The following STK33 variants were observed in gnomAD, a reference collection of about 807,000 sequenced individuals.
STK33 encodes serine/threonine kinase 33, also known as serine/threonine-protein kinase 33.
In STK33, 52 loss-of-function variants were observed where a neutral mutation model predicts 58.0. The observed-to-expected ratio is 0.90, with a 90% CI of 0.72 to 1.13. The LOEUF (loss-of-function observed/expected upper bound fraction) is 1.13. Ranked by LOEUF, STK33 falls within the 50% of genes most tolerant of loss-of-function variation. The pLI is 0.00. For missense variants in STK33, 630 were observed against 604.2 expected (o/e 1.04, Z -0.45); for synonymous variants, 215 against 200.1 (o/e 1.07, Z -0.63).
At chr11:8,522,468 CAA>C (rs112160760) in intron 1 of STK33, among the ~76,000 whole-genome samples, 17 of 123,204 alleles carry the variant, frequency 1.4e-4, no homozygotes, top group Non-Finnish European at 1.8e-4. Context: ...ACACTGGGGC[CAA>C]AAAAAAAAAA....
the STK33 span, among the ~76,000 whole-genome samples, chr11:8,340,875 T>C: frequency 6.6e-6 from 1 of 152,226 alleles, no homozygotes; most frequent in African/African-American, 2.4e-5. Flanking sequence ...GTTTGTTTTT[T>C]TGAGACAGAG....
chr11:8,438,381 A>C (rs1347742052), intron 12 of STK33, among the ~76,000 whole-genome samples: 1 of 152,240 alleles, frequency 6.6e-6, no homozygotes, highest in African/African-American at 2.4e-5. Context: ...ACTTATGCTA[A>C]CTTCACCTTG....
At chr11:8,391,149 C>A (rs115664968), downstream of STK33, among the ~76,000 whole-genome samples, 429 of 152,176 alleles carry the variant, frequency 2.8e-3, 1 homozygote, top group African/African-American at 9.9e-3. Context: ...CAGAACACGC[C>A]CTTTAAAGAC....
At chr11:8,502,214 A>G (rs1181809491) in intron 1 of STK33, among the ~76,000 whole-genome samples, 2 of 152,172 alleles carry the variant, frequency 1.3e-5, no homozygotes, top group African/African-American at 2.4e-5. Context: ...ATTTAAGTGA[A>G]GTCTGTTACC....
intron 1 of STK33, among the ~76,000 whole-genome samples, chr11:8,536,858 T>G (rs971818899): frequency 7.1e-6 from 1 of 141,482 alleles, no homozygotes; most frequent in East Asian, 2.3e-4. Context: ...CATAGCTCAC[T>G]GCAACCTTGA....
intron 1 of STK33, among the ~76,000 whole-genome samples, chr11:8,554,019 G>A (rs947248250): frequency 3.9e-5 from 6 of 152,134 alleles, no homozygotes; most frequent in African/African-American, 1.4e-4. Context: ...AACTCACAGA[G>A]TAGGAGAAAA....
At chr11:8,391,621 G>GA (rs1219969643), downstream of STK33, among the ~76,000 whole-genome samples, 4 of 152,258 alleles carry the variant, frequency 2.6e-5, no homozygotes, top group African/African-American at 9.6e-5. Context: ...TCTTTCTTTA[G>GA]AATTTGCTTT....
chr11:8,460,757 G>A (rs376859158), intron 8 of STK33, among the ~76,000 whole-genome samples: 3 of 152,024 alleles, frequency 2.0e-5, no homozygotes, highest in Admixed American at 6.6e-5. Flanking sequence ...TGATGATAAC[G>A]AACAAAACTA....
intron 15 of STK33, among the ~76,000 whole-genome samples, chr11:8,405,826 T>C (rs1026197662): frequency 1.3e-5 from 2 of 152,100 alleles, no homozygotes; most frequent in African/African-American, 4.8e-5. Flanking sequence ...CCCCTTCGAA[T>C]TGCTTTGAAA....
the STK33 span, among the ~76,000 whole-genome samples, chr11:8,335,411 G>A: frequency 1.3e-5 from 2 of 152,188 alleles, no homozygotes; most frequent in Non-Finnish European, 2.9e-5. Context: ...CCTCATGCAG[G>A]ACAATGGCCA....
rs117504397 is a variant in STK33 at position 8,500,278 on chromosome 11, G to C, written c.-465-19664C>G. Among the ~76,000 whole-genome samples the C allele has an allele frequency of 6.9e-4, 105 of 152,026 alleles. No individual in the cohort carries two copies. In the East Asian group the frequency reaches 0.019, roughly 27 times the overall value. ...AGAAAAAATTATCTCTATTTGCAAA[G>C]TGACATGATCCTGTATGGAAAAAAT... On this transcript the variant is annotated intron_variant, in intron 1 of 15. Transcript: ENST00000687296.
intron 1 of STK33, among the ~76,000 whole-genome samples, chr11:8,521,209 C>T (rs1321019129): frequency 2.6e-5 from 4 of 152,244 alleles, no homozygotes; most frequent in African/African-American, 4.8e-5. Context: ...GGAGGCATCA[C>T]ACTACCTGAC....
At chr11:8,517,104 A>C (rs1952868069) in intron 1 of STK33, among the ~76,000 whole-genome samples, 1 of 152,168 alleles carries the variant, frequency 6.6e-6, no homozygotes, top group Admixed American at 6.5e-5. Context: ...CTGATACCTC[A>C]TACAGCCGGG....
chr11:8,373,186 A>G, the STK33 span, among the ~76,000 whole-genome samples: 1 of 152,174 alleles, frequency 6.6e-6, no homozygotes, highest in Non-Finnish European at 1.5e-5. Flanking sequence ...GAAGCAAGAC[A>G]GCAGAAGGAC....
chr11:8,393,987 A>G (rs1848932227), intron 15 of STK33, among the ~76,000 whole-genome samples: 1 of 152,200 alleles, frequency 6.6e-6, no homozygotes, highest in Non-Finnish European at 1.5e-5. Context: ...TATAACCAGT[A>G]TATGCTAATT....
At chr11:8,554,560 AT>A (rs1350998667) in intron 1 of STK33, among the ~76,000 whole-genome samples, 2 of 152,326 alleles carry the variant, frequency 1.3e-5, no homozygotes, top group East Asian at 3.9e-4. Context: ...ATGAGATGAT[AT>A]CACCTCATAC....
intron 14 of STK33, 56 bp from the exon 15 acceptor site, chr11:8,413,748 A>G (rs1352197688): frequency 4.1e-6 from 6 of 1,471,042 alleles, no homozygotes; most frequent in Non-Finnish European, 4.7e-6. Context: ...TTGAGACGAT[A>G]CCTACATCAT....
chr11:8,562,769 T>C (rs749539817), intron 1 of STK33, among the ~76,000 whole-genome samples: 87 of 152,322 alleles, frequency 5.7e-4, no homozygotes, highest in Non-Finnish European at 9.6e-4. Flanking sequence ...TTAAAGTTCA[T>C]TCATTCATCA....
chr11:8,426,333 A>G (rs1423597568), intron 14 of STK33, among the ~76,000 whole-genome samples: 1 of 151,570 alleles, frequency 6.6e-6, no homozygotes, highest in African/African-American at 2.4e-5. Flanking sequence ...CCGCGGAGTG[A>G]CTCTCAATGT....
Sources: allele counts gnomAD v4.1 joint callset (sites outside exome capture counted in the v4.1 genomes callset), GRCh38; gene constraint gnomAD v4.1.1; transcripts MANE v1.5; gene names NCBI Gene and HGNC (gene_info 2026-07-23, HGNC 2026-07-21).